OSBPL10: variants seen among roughly 807,000 people sequenced by gnomAD.
OSBPL10 encodes oxysterol-binding protein-related protein 10.
Under a neutral mutation model 81.7 loss-of-function variants are expected in OSBPL10, and 49 were observed. That is an observed-to-expected ratio of 0.60 (90% CI 0.48 to 0.76). OSBPL10 has a LOEUF of 0.76. OSBPL10 is among the 30% of genes least tolerant of loss of function. OSBPL10 has a pLI of 0.00. For missense variants in OSBPL10, 923 were observed against 987.8 expected, an observed-to-expected ratio of 0.93 and a Z score of 0.88; for synonymous variants, 419 against 383.6, an observed-to-expected ratio of 1.09 and a Z score of -1.08.
At position 31,733,158 on chromosome 3, in the gene OSBPL10, C is replaced by A. The variant is rs1176842379; in HGVS notation, c.1095+99G>T. 4.0e-6 allele frequency: 6 copies of A among 1,515,308 alleles called. No individual in the cohort carries two copies. In the Admixed American group the frequency reaches 1.3e-4, roughly 34 times the overall value. The allele number at this position is 1,515,308 out of a possible 1,614,324, so 93.9% of individuals were successfully genotyped here. A position where few individuals can be genotyped will look rare whatever the true frequency, so the allele number is the denominator to read the frequency against. On this transcript the variant is annotated intron_variant, in intron 6 of 11. Transcript: ENST00000396556. The stretch of plus-strand genomic sequence containing the variant: ...TCTTCCATTTTTTAATTTGTCTCCT[C>A]TTAAAACAAAGAGATGAGCAAGTTA...
intron 4 of OSBPL10, among the ~76,000 whole-genome samples, chr3:31,751,380 A>C (rs1002949415): frequency 1.5e-4 from 2 of 13,626 alleles, no homozygotes; most frequent in African/African-American, 1.7e-3. Flanking sequence ...ACAAACAAAT[A>C]AAATAAAATA....
At chr3:31,678,831 T>C (rs1700561339) in intron 8 of OSBPL10, among the ~76,000 whole-genome samples, 1 of 127,776 alleles carries the variant, frequency 7.8e-6, no homozygotes, top group African/African-American at 3.1e-5. Flanking sequence ...TGTGTGTGTG[T>C]AGGAGGGAAG....
intron 1 of OSBPL10, among the ~76,000 whole-genome samples, chr3:31,897,148 A>C (rs960075524): frequency 6.6e-5 from 10 of 152,210 alleles, no homozygotes; most frequent in African/African-American, 2.4e-4. Context: ...CTAAAACTTA[A>C]AACAAAACAA....
chr3:31,816,179 C>G (rs6795130), intron 4 of OSBPL10, among the ~76,000 whole-genome samples: 110,586 of 152,096 alleles, frequency 0.73, 40,457 homozygotes, highest in East Asian at 0.93. Context: ...GAGCCCAGAG[C>G]GGGTAGGTCT....
At chr3:31,697,363 A>C (rs185924414) in intron 7 of OSBPL10, among the ~76,000 whole-genome samples, 130 of 143,800 alleles carry the variant, frequency 9.0e-4, no homozygotes, top group South Asian at 1.6e-3. Context: ...AGCCCATTCC[A>C]GATTGCATAA....
intron 4 of OSBPL10, among the ~76,000 whole-genome samples, chr3:31,783,036 C>T (rs1181123886): frequency 1.3e-5 from 2 of 150,198 alleles, no homozygotes; most frequent in Non-Finnish European, 3.0e-5. Context: ...TGGAACTAGC[C>T]TAAATGCCCA....
chr3:31,669,435 G>A (rs535439146), intron 9 of OSBPL10, among the ~76,000 whole-genome samples: 16 of 152,256 alleles, frequency 1.1e-4, no homozygotes, highest in African/African-American at 3.6e-4. Flanking sequence ...TTTGTATGGG[G>A]TCAAACATGG....
chr3:31,980,303 C>T (rs1340764303), intron 1 of OSBPL10, among the ~76,000 whole-genome samples: 1 of 152,156 alleles, frequency 6.6e-6, no homozygotes, highest in African/African-American at 2.4e-5. Context: ...CGCCCGGCCT[C>T]TTTCTGTTTT....
chr3:32,005,921 C>T (rs1306520790), intron 2 of OSBPL10, among the ~76,000 whole-genome samples: 1 of 151,602 alleles, frequency 6.6e-6, no homozygotes, highest in Admixed American at 6.6e-5. Context: ...TCTTGTTTTA[C>T]TTTATTTATT....
chr3:31,821,856 G>T (rs1699988379), intron 4 of OSBPL10, among the ~76,000 whole-genome samples: 5 of 152,172 alleles, frequency 3.3e-5, no homozygotes, highest in Admixed American at 3.3e-4. Flanking sequence ...AATAAAATTT[G>T]TTAGGGTGAC....
chr3:31,723,572 C>CACACACACACACACACACACACA (rs753039730), intron 6 of OSBPL10, among the ~76,000 whole-genome samples: 9 of 146,648 alleles, frequency 6.1e-5, no homozygotes, highest in African/African-American at 2.4e-4. Context: ...ACACACACAC[C>CACACACACACACACACACACACA]CCTTTCCCTC....
chr3:31,838,678 C>T (rs1038138262), intron 3 of OSBPL10, among the ~76,000 whole-genome samples: 4 of 152,112 alleles, frequency 2.6e-5, no homozygotes, highest in African/African-American at 7.2e-5. Flanking sequence ...AAAGTCACCA[C>T]AACTCTCTAT....
chr3:31,890,647 G>A (rs1047965637), intron 1 of OSBPL10, among the ~76,000 whole-genome samples: 1 of 152,056 alleles, frequency 6.6e-6, no homozygotes, highest in South Asian at 2.1e-4. Context: ...GATGAGACTC[G>A]ATCTGCTTTT....
At chr3:31,684,877 G>A (rs1343269052) in intron 7 of OSBPL10, among the ~76,000 whole-genome samples, 1 of 151,880 alleles carries the variant, frequency 6.6e-6, no homozygotes, top group Non-Finnish European at 1.5e-5. Flanking sequence ...TAAAGGACTG[G>A]CAGAGTGGCT....
At chr3:31,838,916 G>A (rs773905629) in intron 3 of OSBPL10, among the ~76,000 whole-genome samples, 2 of 152,114 alleles carry the variant, frequency 1.3e-5, no homozygotes, top group Non-Finnish European at 2.9e-5. Flanking sequence ...AAAACAAAAT[G>A]TAGACTACAC....
chr3:32,014,748 T>A (rs1233331239), intron 2 of OSBPL10, among the ~76,000 whole-genome samples: 1 of 152,166 alleles, frequency 6.6e-6, no homozygotes, highest in Non-Finnish European at 1.5e-5. Flanking sequence ...TTCAGCAAAG[T>A]CTCATGATAC....
chr3:31,668,779 A>G lies in OSBPL10; in HGVS notation c.1959T>C (p.Cys653=). 6.2e-7 allele frequency: 1 copy of G among 1,613,898 alleles called. No individual in the cohort carries two copies. Among genetic ancestry groups the G allele is most frequent in the Non-Finnish European group, 8.5e-7 (1 of 1,179,822 alleles). ...VKHNPTNTIV[C]KAHGEWNGTL... is the part of the protein sequence containing the mutation. Reference sequence around the variant, plus strand: ...TACCATTCCATTCCCCATGGGCTTTACAAACAATGGTGTTGGTTGGGTTGT... The same window carrying G: ...TACCATTCCATTCCCCATGGGCTTTGCAAACAATGGTGTTGGTTGGGTTGT... Residue 653 remains cysteine, a synonymous_variant, in exon 10 of 12, where the codon TGT becomes TGC. Coordinates refer to ENST00000396556, the MANE Select transcript of OSBPL10 (RefSeq NM_017784.5).
rs530403351 is a variant in OSBPL10, at chr3:31,898,280, G to A, written c.282-18450C>T. ...AAATAGCTAGGAGTAAATTTCAAAT[G>A]CCTCACCACAAAAAAAGATAAGTGA... On this transcript the variant is annotated intron_variant, in intron 1 of 11. Transcript: ENST00000396556. Among the ~76,000 whole-genome samples the A allele has an allele frequency of 6.6e-4, 101 of 152,118 alleles. 1 individual carries two copies. The Middle Eastern group carries it at 0.017, about 26-fold the overall frequency.
At chr3:31,723,539 T>TACACACACACAC (rs35189802) in intron 6 of OSBPL10, among the ~76,000 whole-genome samples, 16 of 125,034 alleles carry the variant, frequency 1.3e-4, no homozygotes, top group African/African-American at 6.1e-4. Flanking sequence ...CTCTGTTTCT[T>TACACACACACAC]ACACACACAC....
Sources: allele counts gnomAD v4.1 joint callset (sites outside exome capture counted in the v4.1 genomes callset), GRCh38; gene constraint gnomAD v4.1.1; transcripts MANE v1.5; gene names NCBI Gene and HGNC (gene_info 2026-07-23, HGNC 2026-07-21).